SEMA5B: variants seen among roughly 807,000 people sequenced by gnomAD.
The protein encoded by SEMA5B is semaphorin-5B.
A neutral mutation model predicts 135.0 loss-of-function variants in SEMA5B; 66 were observed. The ratio of observed to expected loss-of-function variants is 0.49; its 90% CI spans 0.40 to 0.60. The LOEUF is 0.60. Among genes scored for constraint, SEMA5B ranks in the 20% least tolerant of loss-of-function variants. The probability of loss-of-function intolerance (pLI) is 0.00; values close to 1 mark genes in which losing one functional copy is unlikely to be tolerated. For synonymous variants in SEMA5B, 690 were observed against 639.5 expected (o/e 1.08, Z -1.19); for missense variants, 1,501 against 1,566.3 (o/e 0.96, Z 0.70).
At chr3:123,003,635 C>G (rs1942235640) in intron 1 of SEMA5B, among the ~76,000 whole-genome samples, 1 of 152,104 alleles carries the variant, frequency 6.6e-6, no homozygotes, top group African/African-American at 2.4e-5. Flanking sequence ...GAGTTCGAAA[C>G]AAGCCTGGCT....
At position 122,911,007 on chromosome 3, in the gene SEMA5B, A is replaced by C. The variant is rs866845026; in HGVS notation, c.3130T>G (p.Cys1044Gly). Residue 1044 changes from cysteine (C) to glycine (G), a missense_variant, in exon 22 of 23, where the codon TGC (cysteine) becomes GGC (glycine). This residue lies in a region of SEMA5B where 927 missense variants were observed against 881.6 expected (regional missense o/e 1.05). Transcript: ENST00000357599. ...LIHLVATGIS[C>G]FLGSGLLTLA... ...GTCAGGAGCCCAGAGCCCAAGAAGC[A>C]GGAGATGCCCGTGGCCACCAAGTGG... 1.2e-6 allele frequency: 2 copies of C among 1,613,838 alleles called. No homozygotes were observed. The highest frequency in any genetic ancestry group is 3.3e-4 in the Middle Eastern group (2 of 5,992).
At chr3:122,912,397 G>A in intron 18 of SEMA5B, 55 bp from the exon 19 acceptor site, 4 of 1,466,230 alleles carry the variant, frequency 2.7e-6, no homozygotes, top group Non-Finnish European at 3.6e-6. Context: ...GCCCAAGACG[G>A]TCTTCCATCC....
intron 1 of SEMA5B, among the ~76,000 whole-genome samples, chr3:122,965,745 G>A (rs1467794474): frequency 6.6e-6 from 1 of 152,232 alleles, no homozygotes; most frequent in Non-Finnish European, 1.5e-5. Context: ...TCTCTCTAGG[G>A]AGATAAGTAA....
chr3:122,909,397 G>C lies in SEMA5B; in HGVS notation c.*746C>G, dbSNP rs1438311626. 2.6e-5 allele frequency: 4 copies of C among 152,750 alleles called. No homozygotes were observed. Among genetic ancestry groups the C allele is most frequent in the Non-Finnish European group, 5.9e-5 (4 of 68,124 alleles). The allele number at this position is 152,750 out of a possible 1,614,324, so 9.5% of individuals were successfully genotyped here. On this transcript the variant is annotated 3_prime_UTR_variant, in exon 23 of 23. Transcript: ENST00000357599. ...GGAAGATAGTCTCCATAGAGGCACA[G>C]AGGCCAGACTTCTGCCTCCTATGGC... is the stretch of plus-strand genomic sequence containing the variant.
chr3:123,011,608 G>T (rs1019892770), intron 1 of SEMA5B, among the ~76,000 whole-genome samples: 1 of 152,196 alleles, frequency 6.6e-6, no homozygotes, highest in Admixed American at 6.5e-5. Context: ...GCACACACAT[G>T]CACAGAGCTT....
At position 122,987,105 on chromosome 3, in the gene SEMA5B, A is replaced by G. The variant is rs561095908; in HGVS notation, c.-38-25804T>C. Among the ~76,000 whole-genome samples the G allele has an allele frequency of 1.0e-3, 157 of 152,240 alleles. 1 individual carries two copies. Among genetic ancestry groups the G allele is most frequent in the African/African-American group, 3.6e-3 (151 of 41,532 alleles). On this transcript the variant is annotated intron_variant, in intron 1 of 22. Coordinates refer to ENST00000357599, the MANE Select transcript of SEMA5B (RefSeq NM_001031702.4). Reference sequence around the variant, plus strand: ...GAACCGGCGGAAAAAGGGATGCTGCACTTAACCCCATGGAGCCAGATGGGC... The same window carrying G: ...GAACCGGCGGAAAAAGGGATGCTGCGCTTAACCCCATGGAGCCAGATGGGC...
rs1384010650 is a variant in SEMA5B at position 122,911,973 on chromosome 3, G to T, written c.2993C>A (p.Ala998Asp). The T allele has an allele frequency of 5.0e-6, 8 of 1,612,922 alleles. No homozygotes were observed. In the Admixed American group the frequency reaches 1.3e-4, roughly 27 times the overall value. Residue 998 changes from alanine (A) to aspartate (D), a missense_variant, in exon 20 of 23, where the codon GCC (alanine) becomes GAC (aspartate). Transcript: ENST00000357599. ...GCTCTGGCTGCTGTTTCCAGCACAG[G>T]CGCTGGACCCTGGGAGGAGCTCCTC... ...HCEELLPGSS[A>D]CAGNSSQSRP...
intron 12 of SEMA5B, among the ~76,000 whole-genome samples, chr3:122,918,239 A>C (rs1451946894): frequency 6.6e-6 from 1 of 152,274 alleles, no homozygotes; most frequent in Non-Finnish European, 1.5e-5. Flanking sequence ...AGACAAATGC[A>C]GAAGATTCTG....
At position 122,915,541 on chromosome 3, in the gene SEMA5B, T is replaced by C; in HGVS notation, c.1887A>G (p.Ser629=). ...ATCGAGCTCGACACAGGCAAGAGCC[T>C]GAGTTGTCCCCATCCAAGTGCTCAC... The part of the protein sequence containing the change: ...QPCEHLDGDN[S]GSCLCRARSC... The change falls in exon 14 of 23, where the codon TCA becomes TCG. Residue 629 remains serine (S), a synonymous_variant. Transcript: ENST00000357599. 1 of 1,614,052 alleles carries C rather than the reference T, an allele frequency of 6.2e-7. No individual in the cohort carries two copies. The highest frequency in any genetic ancestry group is 8.5e-7 in the Non-Finnish European group (1 of 1,179,994).
chr3:122,964,678 C>G (rs1940743108), intron 1 of SEMA5B, among the ~76,000 whole-genome samples: 1 of 152,184 alleles, frequency 6.6e-6, no homozygotes, highest in Non-Finnish European at 1.5e-5. Context: ...TCCTGGGTTG[C>G]CCTAGCCAGC....
At chr3:123,006,440 T>C (rs1215861146) in intron 1 of SEMA5B, among the ~76,000 whole-genome samples, 1 of 152,232 alleles carries the variant, frequency 6.6e-6, no homozygotes, top group African/African-American at 2.4e-5. Context: ...TAGAAAAGGA[T>C]GTTAGTAAAG....
Position 122,992,833 on chromosome 3 carries a change from CAGG to C in SEMA5B, c.-38-31535_-38-31533del, listed in dbSNP as rs565511347. 207 of 152,010 alleles carry C rather than the reference CAGG, an allele frequency of 1.4e-3. 1 individual carries two copies. Among genetic ancestry groups the C allele is most frequent in the African/African-American group, 4.8e-3 (200 of 41,238 alleles). The allele number at this position is 152,010 out of a possible 1,614,324, so 9.4% of individuals were successfully genotyped here. On this transcript the variant is annotated intron_variant, in intron 1 of 22. Coordinates refer to ENST00000357599, the MANE Select transcript of SEMA5B (RefSeq NM_001031702.4). Reference sequence around the variant, plus strand: ...CCATGCAGGGAAATCAGACAGCAGGCAGGAGAAGCAGTCTCGGGGAAGCCAGCA... The same window carrying C: ...CCATGCAGGGAAATCAGACAGCAGGCAGAAGCAGTCTCGGGGAAGCCAGCA...
intron 1 of SEMA5B, among the ~76,000 whole-genome samples, chr3:122,999,967 T>C (rs1942130006): frequency 6.6e-6 from 1 of 152,110 alleles, no homozygotes; most frequent in African/African-American, 2.4e-5. Context: ...CCCAGCACTT[T>C]GGGAGGCTGA....
At chr3:122,966,554 A>ATTTTTTTTTTTTTTT (rs1335935235) in intron 1 of SEMA5B, among the ~76,000 whole-genome samples, 32 of 147,048 alleles carry the variant, frequency 2.2e-4, no homozygotes, top group African/African-American at 7.8e-4. Context: ...TATTATTATT[A>ATTTTTTTTTTTTTTT]TTATTATTAT....
intron 1 of SEMA5B, among the ~76,000 whole-genome samples, chr3:122,981,980 T>C (rs1321896540): frequency 6.6e-6 from 1 of 152,166 alleles, no homozygotes; most frequent in Non-Finnish European, 1.5e-5. Flanking sequence ...GAGCCTCAAG[T>C]CAGGGCTGGA....
intron 5 of SEMA5B, among the ~76,000 whole-genome samples, chr3:122,931,781 C>A (rs1448025582): frequency 6.6e-6 from 1 of 152,220 alleles, no homozygotes; most frequent in Non-Finnish European, 1.5e-5. Context: ...CATCATCCTG[C>A]AAGTCTGGAT....
chr3:122,993,110 G>C (rs1442295158), intron 1 of SEMA5B: 1 of 152,282 alleles, frequency 6.6e-6, no homozygotes, highest in Non-Finnish European at 1.5e-5. Flanking sequence ...AGTCCACCCA[G>C]GCCACTGTGG....
intron 10 of SEMA5B, among the ~76,000 whole-genome samples, 188 bp downstream of exon 10, chr3:122,923,429 C>T (rs1046218980): frequency 1.3e-5 from 2 of 152,194 alleles, no homozygotes; most frequent in Non-Finnish European, 2.9e-5. Flanking sequence ...CTGCCCCTCA[C>T]CCACTCTCCC....
At chr3:122,911,119 G>A in intron 21 of SEMA5B, 74 bp from the exon 22 acceptor site, 1 of 1,302,352 alleles carries the variant, frequency 7.7e-7, no homozygotes, top group Non-Finnish European at 1.1e-6. Flanking sequence ...CTCCCTGGGA[G>A]CAGAAACAGC....
Sources: gnomAD v4.1 joint callset for allele counts (sites outside exome capture counted in the v4.1 genomes callset) on GRCh38, gnomAD v4.1.1 for gene constraint, gnomAD v4.1.1 regional missense constraint, MANE v1.5 for transcripts, NCBI Gene and HGNC (gene_info 2026-07-23, HGNC 2026-07-21) for gene names.